The following PLEKHA7 variants were observed in gnomAD, a reference collection of about 807,000 sequenced individuals.
The protein encoded by PLEKHA7 is pleckstrin homology domain-containing family A member 7.
In PLEKHA7, 104 loss-of-function variants were observed where a neutral mutation model predicts 170.0. The ratio of observed to expected loss-of-function variants is 0.61; its 90% CI spans 0.52 to 0.72. PLEKHA7 has a LOEUF of 0.72. PLEKHA7 is among the 30% of genes least tolerant of loss of function. The probability of loss-of-function intolerance (pLI) is 0.00; values close to 1 mark genes in which losing one functional copy is unlikely to be tolerated. For missense variants in PLEKHA7, 1,615 were observed against 1,671.7 expected (o/e 0.97, Z 0.59); for synonymous variants, 648 against 660.8 (o/e 0.98, Z 0.30).
chr11:16,818,680 T>C (rs779077080), intron 10 of PLEKHA7, among the ~76,000 whole-genome samples: 5 of 152,222 alleles, frequency 3.3e-5, no homozygotes, highest in Non-Finnish European at 5.9e-5. Context: ...CGTGGTATTG[T>C]CCACAGTCTA....
chr11:16,959,246 C>T (rs1008563665), intron 3 of PLEKHA7, among the ~76,000 whole-genome samples: 3 of 149,036 alleles, frequency 2.0e-5, no homozygotes, highest in African/African-American at 7.4e-5. Flanking sequence ...TCAGGTAGAC[C>T]CCAGTGTCTG....
chr11:16,876,562 A>T (rs982272604), intron 3 of PLEKHA7, among the ~76,000 whole-genome samples: 3 of 152,204 alleles, frequency 2.0e-5, no homozygotes, highest in African/African-American at 7.2e-5. Flanking sequence ...CATCCACATA[A>T]ATAAGCATGT....
At chr11:16,841,416 G>A in intron 9 of PLEKHA7, 131 bp downstream of exon 9, 1 of 1,035,908 alleles carries the variant, frequency 9.7e-7, no homozygotes. Context: ...GTTTAATGAA[G>A]AAAGTTTATA....
chr11:16,789,428 G>A lies in PLEKHA7; in HGVS notation c.3157-132C>T. The A allele has an allele frequency of 1.2e-6, 1 of 839,264 alleles. No individual in the cohort carries two copies. The highest frequency in any genetic ancestry group is 1.9e-6 in the Non-Finnish European group (1 of 532,940). 52.0% of individuals were successfully genotyped at this position (839,264 alleles called of 1,614,324 possible). On this transcript the variant is annotated intron_variant, in intron 22 of 26. Transcript: ENST00000531066. This position sits in a 1 kb window ranked among gnomAD's most constrained non-coding sequence, Gnocchi z 4.6. ...GCACACTCTAGTTGGGCTCCTCTTG[G>A]CCTTAGAGAACTATTTCCTCTAAGC... is the stretch of plus-strand genomic sequence containing the variant.
chr11:16,853,665 G>T (rs536298265), intron 6 of PLEKHA7, among the ~76,000 whole-genome samples: 45 of 152,318 alleles, frequency 3.0e-4, no homozygotes, highest in African/African-American at 1.0e-3. Context: ...AATGGGGACA[G>T]GGATGCAAAC....
intron 3 of PLEKHA7, among the ~76,000 whole-genome samples, chr11:16,956,051 C>T (rs776222943): frequency 2.0e-5 from 3 of 152,288 alleles, no homozygotes; most frequent in East Asian, 3.9e-4. Context: ...AGTGACCACA[C>T]GCAGTAGCCT....
chr11:16,946,522 C>T (rs970215234), intron 3 of PLEKHA7, among the ~76,000 whole-genome samples: 2 of 152,156 alleles, frequency 1.3e-5, no homozygotes, highest in Non-Finnish European at 2.9e-5. Context: ...TTTATGCTGA[C>T]TTTTTTGATG....
intron 3 of PLEKHA7, among the ~76,000 whole-genome samples, chr11:16,977,076 T>C (rs1014048119): frequency 6.6e-6 from 1 of 152,162 alleles, no homozygotes; most frequent in Non-Finnish European, 1.5e-5. Context: ...ACTACTAATC[T>C]TGCAGATGGG....
At position 16,791,489 on chromosome 11, in the gene PLEKHA7, G is replaced by A. The variant is rs1281234899; in HGVS notation, c.2746-290C>T. 1.7e-6 allele frequency: 1 copy of A among 592,310 alleles called. No individual in the cohort carries two copies. Among genetic ancestry groups the A allele is most frequent in the Non-Finnish European group, 3.2e-6 (1 of 315,674 alleles). 36.7% of individuals were successfully genotyped at this position (592,310 alleles called of 1,614,324 possible). A position where few individuals can be genotyped will look rare whatever the true frequency, so the allele number is the denominator to read the frequency against. On this transcript the variant is annotated intron_variant, in intron 19 of 26. Coordinates refer to ENST00000531066, the MANE Select transcript of PLEKHA7 (RefSeq NM_001329630.2). The surrounding 1 kb of genome is among the most constrained non-coding windows in gnomAD (Gnocchi z 4.5). The stretch of plus-strand genomic sequence containing the variant: ...CAGGTCTCCTGGGTCCATGCCCTCG[G>A]TGCTGTGCTGAACTGCTCCCTCCGC...
intron 3 of PLEKHA7, among the ~76,000 whole-genome samples, chr11:16,996,996 T>C (rs1206405129): frequency 6.6e-6 from 1 of 152,032 alleles, no homozygotes; most frequent in African/African-American, 2.4e-5. Flanking sequence ...AGCTTCAAGT[T>C]CAGCCAGGTC....
At chr11:16,796,831 T>C (rs1482803817) in intron 17 of PLEKHA7, among the ~76,000 whole-genome samples, 1 of 152,082 alleles carries the variant, frequency 6.6e-6, no homozygotes, top group African/African-American at 2.4e-5. Context: ...AGTTTTTCTT[T>C]TTCTTTTTCA....
chr11:16,816,427 C>G (rs1236505383), intron 11 of PLEKHA7, among the ~76,000 whole-genome samples, 163 bp from the exon 12 acceptor site: 5 of 152,172 alleles, frequency 3.3e-5, no homozygotes, highest in Admixed American at 3.3e-4. Context: ...CTGTGAAAGC[C>G]TCTTGGAAAG....
chr11:16,931,761 C>A (rs1393413041), intron 3 of PLEKHA7, among the ~76,000 whole-genome samples: 3 of 146,670 alleles, frequency 2.0e-5, no homozygotes, highest in African/African-American at 5.3e-5. Context: ...TCCATCCCCC[C>A]CCCCCCAAAA....
At position 16,790,789 on chromosome 11, in the gene PLEKHA7, C is replaced by T; in HGVS notation, c.3052+9G>A. On this transcript the variant is annotated intron_variant, in intron 21 of 26. Coordinates refer to ENST00000531066, the MANE Select transcript of PLEKHA7 (RefSeq NM_001329630.2). ...TCCCAGAGAAACTCCAGGGAGGGCC[C>T]TGCCTTACCTCTGCCTGGCAGCGTC... 6.2e-7 allele frequency: 1 copy of T among 1,607,032 alleles called. No homozygotes were observed. The highest frequency in any genetic ancestry group is 8.5e-7 in the Non-Finnish European group (1 of 1,176,884).
At chr11:17,012,048 C>A (rs1865350759) in intron 3 of PLEKHA7, among the ~76,000 whole-genome samples, 1 of 152,186 alleles carries the variant, frequency 6.6e-6, no homozygotes. Context: ...TACTGTGCTA[C>A]CACCCTCAGG....
intron 3 of PLEKHA7, chr11:16,975,127 C>T (rs2136766415): frequency 2.2e-6 from 1 of 452,272 alleles, no homozygotes; most frequent in East Asian, 7.9e-5. Flanking sequence ...TGCCCCACCA[C>T]AATCAGGACA....
chr11:16,857,864 G>A (rs746508828), intron 4 of PLEKHA7, among the ~76,000 whole-genome samples: 6 of 152,108 alleles, frequency 3.9e-5, no homozygotes, highest in African/African-American at 7.2e-5. Context: ...TATTACAGGC[G>A]CTTGCCACCA....
At chr11:16,955,944 A>T (rs1861674506) in intron 3 of PLEKHA7, among the ~76,000 whole-genome samples, 1 of 152,176 alleles carries the variant, frequency 6.6e-6, no homozygotes, top group Non-Finnish European at 1.5e-5. Context: ...TCAGGAGAGG[A>T]TCGCTTCAGC....
intron 7 of PLEKHA7, 70 bp downstream of exon 7, chr11:16,852,213 G>A: frequency 7.2e-7 from 1 of 1,394,014 alleles, no homozygotes. Context: ...TGGTAAACCT[G>A]AAGTCACCAA....
Sources: gnomAD v4.1 joint callset for allele counts (sites outside exome capture counted in the v4.1 genomes callset) on GRCh38, gnomAD v4.1.1 for gene constraint, Gnocchi (gnomAD v3.1) non-coding constraint, MANE v1.5 for transcripts, NCBI Gene and HGNC (gene_info 2026-07-23, HGNC 2026-07-21) for gene names.